DDX10: variants seen among roughly 807,000 people sequenced by gnomAD.
DDX10 encodes the protein probable ATP-dependent RNA helicase DDX10.
DDX10 carries 74 observed loss-of-function variants against 104.3 expected under a neutral mutation model. That is an observed-to-expected ratio of 0.71 (90% CI 0.59 to 0.86). The LOEUF (loss-of-function observed/expected upper bound fraction) is 0.86, where lower values mean the gene tolerates loss of function less well. Ranked by LOEUF, DDX10 falls within the 40% of genes least tolerant of loss-of-function variation. DDX10 has a pLI of 0.00. For synonymous variants in DDX10, 351 were observed against 353.4 expected (o/e 0.99, Z 0.08); for missense variants, 952 against 1,040.0 (o/e 0.92, Z 1.16).
intron 9 of DDX10, among the ~76,000 whole-genome samples, chr11:108,699,287 A>G (rs11602706): frequency 0.12 from 18,657 of 152,128 alleles, 1,554 homozygotes; most frequent in East Asian, 0.27. Flanking sequence ...ATAACCATTT[A>G]TTATCGCAGC....
intron 13 of DDX10, among the ~76,000 whole-genome samples, chr11:108,829,830 G>A (rs1358640836): frequency 6.6e-6 from 1 of 152,082 alleles, no homozygotes; most frequent in African/African-American, 2.4e-5. Context: ...ACTATTTGTC[G>A]AATAGTGTGT....
chr11:108,837,757 G>A (rs1194870815), intron 13 of DDX10, among the ~76,000 whole-genome samples: 1 of 151,292 alleles, frequency 6.6e-6, no homozygotes, highest in East Asian at 1.9e-4. Context: ...TGAGTAGCTG[G>A]GATTACAGGC....
chr11:108,742,859 G>A (rs183190084), intron 13 of DDX10, among the ~76,000 whole-genome samples: 2 of 152,074 alleles, frequency 1.3e-5, no homozygotes, highest in Non-Finnish European at 2.9e-5. Context: ...AATCCCTGAA[G>A]AGACCAATAA....
intron 1 of DDX10, among the ~76,000 whole-genome samples, chr11:108,669,706 T>C (rs1216218021): frequency 6.6e-6 from 1 of 152,194 alleles, no homozygotes; most frequent in Non-Finnish European, 1.5e-5. Context: ...CAGCTGACCT[T>C]AAAGTAGGGC....
chr11:108,693,720 G>C (rs1185857912), intron 9 of DDX10, 120 bp downstream of exon 9: 2 of 767,500 alleles, frequency 2.6e-6, no homozygotes, highest in Admixed American at 2.0e-5. Flanking sequence ...GGCATTTTGT[G>C]GTGTGAGTTG....
Position 108,678,880 on chromosome 11 carries a change from T to C in DDX10, c.658+445T>C, listed in dbSNP as rs2094230195. On this transcript the variant is annotated intron_variant, in intron 5 of 17. Coordinates refer to ENST00000322536, the MANE Select transcript of DDX10 (RefSeq NM_004398.4). ...AGCTGGTTTCCCCTAATTTTTTTTT[T>C]TTTTTTTTTTTTTTTTATACAGAGT... 2.1e-5 allele frequency among the ~76,000 whole-genome samples: 3 copies of C among 144,708 alleles called. No homozygotes were observed. In the East Asian group the frequency reaches 6.0e-4, roughly 29 times the overall value. The allele number at this position is 144,708 out of a possible 152,430, so 94.9% of individuals were successfully genotyped here. A position where few individuals can be genotyped will look rare whatever the true frequency, so the allele number is the denominator to read the frequency against.
intron 16 of DDX10, among the ~76,000 whole-genome samples, chr11:108,865,591 G>T (rs747051489): frequency 2.0e-5 from 3 of 152,042 alleles, no homozygotes; most frequent in Non-Finnish European, 4.4e-5. Context: ...CACACAAGAA[G>T]AATAACAGGA....
intron 16 of DDX10, among the ~76,000 whole-genome samples, chr11:108,884,307 T>G (rs1001250026): frequency 6.6e-6 from 1 of 152,192 alleles, no homozygotes; most frequent in Non-Finnish European, 1.5e-5. Context: ...TCCTTTAACA[T>G]ACCAGGCACA....
chr11:108,940,562 T>G lies in DDX10; in HGVS notation c.*139T>G. 5.9e-5 allele frequency: 43 copies of G among 723,964 alleles called. No homozygotes were observed. Among genetic ancestry groups the G allele is most frequent in the Non-Finnish European group, 8.6e-5 (39 of 453,474 alleles). 44.8% of individuals were successfully genotyped at this position (723,964 alleles called of 1,614,324 possible). On this transcript the variant is annotated 3_prime_UTR_variant, in exon 18 of 18. Transcript: ENST00000322536. ...GCACATTTCTGGATAGAAGCGATCGTATCTCCAAGTCCCTCTCACAGGACA... is the reference window on the plus strand; with the variant it reads ...GCACATTTCTGGATAGAAGCGATCGGATCTCCAAGTCCCTCTCACAGGACA...
intron 13 of DDX10, among the ~76,000 whole-genome samples, chr11:108,777,740 G>C (rs1261987371): frequency 1.3e-5 from 2 of 152,192 alleles, no homozygotes; most frequent in South Asian, 4.1e-4. Context: ...GTTAGGAAAG[G>C]AGGAAGTCAA....
At position 108,691,863 on chromosome 11, in the gene DDX10, G is replaced by C; in HGVS notation, c.976-13G>C. 6.2e-7 allele frequency: 1 copy of C among 1,608,688 alleles called. No homozygotes were observed. Among genetic ancestry groups the C allele is most frequent in the Non-Finnish European group, 8.5e-7 (1 of 1,177,666 alleles). ...CTGCCATAAGCAAACTTATTCTTCT[G>C]TTGATGCCCCAGGTCCAGTATCTGT... On this transcript the variant is annotated splice_polypyrimidine_tract_variant and intron_variant, in intron 7 of 17. Transcript: ENST00000322536.
chr11:108,927,264 G>A (rs1048608570), intron 17 of DDX10, among the ~76,000 whole-genome samples: 1 of 152,126 alleles, frequency 6.6e-6, no homozygotes, highest in African/African-American at 2.4e-5. Flanking sequence ...TTCTGAATAG[G>A]CTGTACAGTG....
At chr11:108,691,662 A>T (rs1041302578) in intron 7 of DDX10, among the ~76,000 whole-genome samples, 3 of 152,236 alleles carry the variant, frequency 2.0e-5, no homozygotes, top group African/African-American at 7.2e-5. Context: ...TTAAGATGCA[A>T]TTCTGTGACG....
chr11:108,884,377 A>G (rs1046031005), intron 16 of DDX10, among the ~76,000 whole-genome samples: 1 of 152,054 alleles, frequency 6.6e-6, no homozygotes, highest in Non-Finnish European at 1.5e-5. Context: ...GTTCTCCCCC[A>G]GTCTACATAT....
At chr11:108,723,915 G>C (rs1193778443) in intron 13 of DDX10, among the ~76,000 whole-genome samples, 1 of 152,126 alleles carries the variant, frequency 6.6e-6, no homozygotes, top group Non-Finnish European at 1.5e-5. Flanking sequence ...GTCTTAAATA[G>C]AAATTGAACA....
At chr11:108,844,144 C>T (rs1307735992) in intron 15 of DDX10, among the ~76,000 whole-genome samples, 1 of 152,026 alleles carries the variant, frequency 6.6e-6, no homozygotes, top group African/African-American at 2.4e-5. Flanking sequence ...ACTTCTGTGA[C>T]TACAAGAGTC....
intron 13 of DDX10, among the ~76,000 whole-genome samples, chr11:108,743,055 A>G (rs1445949037): frequency 2.0e-5 from 3 of 152,212 alleles, no homozygotes; most frequent in African/African-American, 7.2e-5. Context: ...TCCTGATACC[A>G]AAAGCTGGTT....
chr11:108,870,662 C>G (rs1466408859), intron 16 of DDX10, among the ~76,000 whole-genome samples: 1 of 152,198 alleles, frequency 6.6e-6, no homozygotes, highest in Non-Finnish European at 1.5e-5. Context: ...TGCAAAATAG[C>G]AACCTCCTCT....
intron 13 of DDX10, among the ~76,000 whole-genome samples, chr11:108,748,957 C>A (rs1428620847): frequency 6.6e-6 from 1 of 151,966 alleles, no homozygotes; most frequent in African/African-American, 2.4e-5. Flanking sequence ...AGCCACCACG[C>A]CTGGCCTAAA....
Sources: gnomAD v4.1 joint callset for allele counts (sites outside exome capture counted in the v4.1 genomes callset) on GRCh38, gnomAD v4.1.1 for gene constraint, MANE v1.5 for transcripts, NCBI Gene and HGNC (gene_info 2026-07-23, HGNC 2026-07-21) for gene names.